Variants in BLTP1 observed in about 807,000 individuals in gnomAD.
BLTP1 encodes fragile site-associated protein.
chr4:122,345,560 G>T, the BLTP1 span, among the ~76,000 whole-genome samples: 1 of 144,872 alleles, frequency 6.9e-6, no homozygotes, highest in Non-Finnish European at 1.6e-5. Context: ...AAATAGAGAG[G>T]CTAGAGGTAA....
the BLTP1 span, chr4:122,254,207 G>A: frequency 6.2e-7 from 1 of 1,612,604 alleles, no homozygotes; most frequent in Non-Finnish European, 8.5e-7. Flanking sequence ...TGAAGGAGTC[G>A]AATCTGATGA....
the BLTP1 span, among the ~76,000 whole-genome samples, chr4:122,220,035 G>A: frequency 6.6e-6 from 1 of 152,142 alleles, no homozygotes; most frequent in Non-Finnish European, 1.5e-5. Flanking sequence ...CTGTGGACCT[G>A]TTCTGGCTGA....
At chr4:122,237,981 CAA>C in the BLTP1 span, 8,059 of 777,146 alleles carry the variant, frequency 0.01, no homozygotes, top group South Asian at 0.013. Flanking sequence ...GACTCCATCT[CAA>C]AAAAAAAAAA....
At chr4:122,189,064 A>G in the BLTP1 span, 1 of 984,340 alleles carries the variant, frequency 1.0e-6, no homozygotes, top group East Asian at 1.1e-4. Flanking sequence ...GAGTGAAGGT[A>G]TAATACTGAA....
the BLTP1 span, among the ~76,000 whole-genome samples, chr4:122,283,558 C>A: frequency 6.3e-4 from 96 of 152,278 alleles, no homozygotes; most frequent in African/African-American, 2.1e-3. Flanking sequence ...GTTGCCCAGG[C>A]TGGAGGGCAG....
chr4:122,356,867 T>G, the BLTP1 span: 3 of 1,467,390 alleles, frequency 2.0e-6, no homozygotes, highest in Non-Finnish European at 1.8e-6. Context: ...CTCCCGTGAG[T>G]TGAAGATATC....
At chr4:122,194,942 A>G in the BLTP1 span, among the ~76,000 whole-genome samples, 5 of 152,180 alleles carry the variant, frequency 3.3e-5, no homozygotes, top group Non-Finnish European at 7.3e-5. Context: ...TATTTTTCAC[A>G]TATATTAAAT....
At chr4:122,328,507 T>A in the BLTP1 span, 2 of 776,602 alleles carry the variant, frequency 2.6e-6, no homozygotes, top group Non-Finnish European at 1.8e-6. Flanking sequence ...AAAATTTATT[T>A]TAATAAAATT....
the BLTP1 span, chr4:122,362,003 TTAA>T: frequency 1.9e-6 from 3 of 1,584,102 alleles, no homozygotes; most frequent in Non-Finnish European, 1.7e-6. Flanking sequence ...ATTACACTCC[TTAA>T]TAATAACTGT....
chr4:122,238,873 C>A, the BLTP1 span, among the ~76,000 whole-genome samples: 1 of 152,086 alleles, frequency 6.6e-6, no homozygotes, highest in East Asian at 1.9e-4. Flanking sequence ...TCTCCACTTA[C>A]TCTATATTAT....
the BLTP1 span, chr4:122,248,884 A>C: frequency 6.1e-6 from 1 of 164,742 alleles, no homozygotes; most frequent in African/African-American, 2.4e-5. Flanking sequence ...GTAAATTTAC[A>C]TGTGTTTTTA....
the BLTP1 span, among the ~76,000 whole-genome samples, chr4:122,280,981 G>A: frequency 6.6e-6 from 1 of 152,112 alleles, no homozygotes; most frequent in Non-Finnish European, 1.5e-5. Context: ...TGAAAAATCA[G>A]ACCCTGGAGT....
the BLTP1 span, chr4:122,244,141 TG>T: frequency 7.1e-6 from 8 of 1,124,312 alleles, no homozygotes; most frequent in Non-Finnish European, 9.6e-6. Context: ...TAAGTATATG[TG>T]ATATATGTTC....
the BLTP1 span, among the ~76,000 whole-genome samples, chr4:122,278,571 A>G: frequency 6.6e-6 from 1 of 152,324 alleles, no homozygotes; most frequent in East Asian, 1.9e-4. Context: ...AGATGTTATC[A>G]TTCTTTGGCC....
At chr4:122,254,751 T>C in the BLTP1 span, 1 of 1,438,484 alleles carries the variant, frequency 7.0e-7, no homozygotes, top group Non-Finnish European at 9.2e-7. Context: ...GGGAGATTGT[T>C]TGGAATACAA....
the BLTP1 span, chr4:122,325,640 T>G: frequency 1.8e-6 from 2 of 1,097,288 alleles, no homozygotes; most frequent in Non-Finnish European, 2.3e-6. Flanking sequence ...CTTACACAAA[T>G]GTAAACGTGG....
the BLTP1 span, chr4:122,255,321 C>T: frequency 1.4e-6 from 2 of 1,414,940 alleles, no homozygotes; most frequent in Non-Finnish European, 9.9e-7. Context: ...AAGGAATTCT[C>T]TATTCTGTTG....
chr4:122,303,093 C>CAATG, the BLTP1 span, among the ~76,000 whole-genome samples: 32 of 152,178 alleles, frequency 2.1e-4, no homozygotes, highest in Non-Finnish European at 4.0e-4. Flanking sequence ...AGAGAGAAAT[C>CAATG]AATGCCTGGC....
chr4:122,324,028 A>G, the BLTP1 span, among the ~76,000 whole-genome samples: 3 of 151,998 alleles, frequency 2.0e-5, no homozygotes, highest in African/African-American at 7.2e-5. Flanking sequence ...GAGTCCTACA[A>G]ACGGGATGCC....
Sources: allele counts gnomAD v4.1 joint callset (sites outside exome capture counted in the v4.1 genomes callset), GRCh38; gene constraint gnomAD v4.1.1; transcripts MANE v1.5; gene names NCBI Gene and HGNC (gene_info 2026-07-23, HGNC 2026-07-21).